FBXO44: variants seen among roughly 807,000 people sequenced by gnomAD.
FBXO44 encodes F-box protein 44, also known as F-box only protein 44.
Under a neutral mutation model 33.5 loss-of-function variants are expected in FBXO44, and 25 were observed. The ratio of observed to expected loss-of-function variants is 0.75; its 90% CI spans 0.54 to 1.04. The LOEUF (loss-of-function observed/expected upper bound fraction) is 1.04, where lower values mean the gene tolerates loss of function less well. Ranked by LOEUF, FBXO44 falls within the 50% of genes least tolerant of loss-of-function variation. The pLI, the probability that FBXO44 is intolerant of heterozygous loss-of-function variation, is 0.00. For missense variants in FBXO44, 311 were observed against 344.0 expected (o/e 0.90, Z 0.76); for synonymous variants, 147 against 152.8 (o/e 0.96, Z 0.28).
intron 2 of FBXO44, among the ~76,000 whole-genome samples, chr1:11,657,398 G>A (rs1006977174): frequency 4.0e-5 from 6 of 151,686 alleles, no homozygotes; most frequent in Non-Finnish European, 7.4e-5. Context: ...GGTAGAGCTG[G>A]GACTAGACCC....
chr1:11,659,163 A>G (rs1236414437), intron 5 of FBXO44, among the ~76,000 whole-genome samples: 1 of 152,220 alleles, frequency 6.6e-6, no homozygotes, highest in Non-Finnish European at 1.5e-5. Context: ...CCAGGTAGGC[A>G]GATCACCTGA....
chr1:11,657,966 C>T (rs191851544), intron 2 of FBXO44, among the ~76,000 whole-genome samples: 2 of 152,276 alleles, frequency 1.3e-5, no homozygotes, highest in Admixed American at 1.3e-4. Flanking sequence ...CAACCGAGTA[C>T]TGGTAGAGCT....
chr1:11,658,861 A>G lies in FBXO44; in HGVS notation c.614A>G (p.Lys205Arg). 1.2e-6 allele frequency: 2 copies of G among 1,607,778 alleles called. No homozygotes were observed. Among genetic ancestry groups the G allele is most frequent in the South Asian group, 1.1e-5 (1 of 91,076 alleles). Reference protein sequence around the residue: ...PATIQQKSDAKWREVSHTFSN... With the variant: ...PATIQQKSDARWREVSHTFSN... The stretch of plus-strand genomic sequence containing the variant: ...ACCATCCAGCAGAAGAGCGATGCCA[A>G]GTGGAGGGAGGTGCGTGGGCCTGGG... The change falls in exon 5 of 6, where the codon AAG becomes AGG. Residue 205 changes from lysine to arginine, a missense_variant. Coordinates refer to ENST00000251547, the MANE Select transcript of FBXO44 (RefSeq NM_033182.7).
intron 2 of FBXO44, among the ~76,000 whole-genome samples, chr1:11,656,311 CTTT>C (rs34347559): frequency 2.8e-4 from 26 of 93,848 alleles, no homozygotes; most frequent in African/African-American, 7.3e-4. Flanking sequence ...TTACTATACT[CTTT>C]TTTTTTTTTT....
chr1:11,656,182 G>A (rs1414480411), intron 2 of FBXO44, 82 bp downstream of exon 2: 32 of 1,547,656 alleles, frequency 2.1e-5, no homozygotes, highest in Middle Eastern at 1.8e-4. Context: ...AGTATGAGCC[G>A]GGTACTTTGG....
rs1640188383 is a variant in FBXO44, at chr1:11,661,497, C to G, written c.*224C>G. 1.8e-6 allele frequency: 1 copy of G among 568,058 alleles called. No individual in the cohort carries two copies. The highest frequency in any genetic ancestry group is 2.9e-5 in the South Asian group (1 of 34,002). 35.2% of individuals were successfully genotyped at this position (568,058 alleles called of 1,614,324 possible). On this transcript the variant is annotated 3_prime_UTR_variant, in exon 6 of 6. Coordinates refer to ENST00000251547, the MANE Select transcript of FBXO44 (RefSeq NM_033182.7). The surrounding 1 kb of genome is among the most constrained non-coding windows in gnomAD (Gnocchi z 4.4). The stretch of plus-strand genomic sequence containing the variant: ...TTGACCTGAATGATGGCCGGGGAAG[C>G]CTGCGTGTGCCCCTTTCAGAGACGG...
At chr1:11,659,805 GT>G (rs1640069990) in intron 5 of FBXO44, among the ~76,000 whole-genome samples, 1 of 152,110 alleles carries the variant, frequency 6.6e-6, no homozygotes, top group African/African-American at 2.4e-5. Flanking sequence ...CCTAGCAAAT[GT>G]TTTCTTAAAA....
chr1:11,655,943 C>T lies in FBXO44; in HGVS notation c.108C>T (p.Leu36=). ...TGAACTGCCGCCTGGTCTGCAGCCT[C>T]TGGCGGGACCTCATCGACCTCGTGA... ...LLLNCRLVCS[L]WRDLIDLVTL... is the part of the protein sequence containing the mutation. The change falls in exon 2 of 6, where the codon CTC becomes CTT. Residue 36 remains leucine (L), a synonymous_variant. Coordinates refer to ENST00000251547, the MANE Select transcript of FBXO44 (RefSeq NM_033182.7). 1 of 1,614,086 alleles carries T rather than the reference C, an allele frequency of 6.2e-7. No homozygotes were observed. Among genetic ancestry groups the T allele is most frequent in the South Asian group, 1.1e-5 (1 of 91,084 alleles).
upstream of FBXO44, chr1:11,654,689 G>C (rs962231660): frequency 8.5e-5 from 21 of 246,092 alleles, no homozygotes; most frequent in Admixed American, 1.1e-3. Flanking sequence ...GCACGGAGAG[G>C]CTGGGTCAGG....
chr1:11,657,489 C>G (rs977432977), intron 2 of FBXO44, among the ~76,000 whole-genome samples: 12 of 152,170 alleles, frequency 7.9e-5, no homozygotes, highest in African/African-American at 2.9e-4. Flanking sequence ...CCTGTAATCC[C>G]AGCACTTTGG....
At chr1:11,658,154 G>A (rs1199778051) in intron 2 of FBXO44, 113 bp from the exon 3 acceptor site, 1 of 1,558,174 alleles carries the variant, frequency 6.4e-7, no homozygotes, top group Non-Finnish European at 8.7e-7. Context: ...CCACAGCACA[G>A]GGCTTGAGGG....
At position 11,658,594 on chromosome 1, in the gene FBXO44, G is replaced by C; in HGVS notation, c.454G>C (p.Asp152His). Residue 152 changes from aspartate (D) to histidine (H), a missense_variant, in exon 4 of 6, where the codon GAT (aspartate) becomes CAT (histidine). Transcript: ENST00000251547. ...CGAAGGGTATTGGGAGGAGCTGATG[G>C]ATACCACACGGCCGGACATCGAGGT... ...KAEGYWEELM[D>H]TTRPDIEVKD... The C allele has an allele frequency of 6.2e-7, 1 of 1,613,494 alleles. No individual in the cohort carries two copies. Among genetic ancestry groups the C allele is most frequent in the Non-Finnish European group, 8.5e-7 (1 of 1,179,966 alleles).
intron 2 of FBXO44, 124 bp downstream of exon 2, chr1:11,656,224 A>C (rs1210079922): frequency 9.0e-6 from 12 of 1,328,360 alleles, no homozygotes; most frequent in Non-Finnish European, 1.2e-5. Context: ...TCTCACAGTA[A>C]CCCAAAGAGG....
chr1:11,654,504 C>A, upstream of FBXO44: 1 of 562,726 alleles, frequency 1.8e-6, no homozygotes, highest in Non-Finnish European at 2.7e-6. Context: ...GCCCCGCGCC[C>A]GGCCGCCCCG....
intron 5 of FBXO44, among the ~76,000 whole-genome samples, chr1:11,659,422 C>T (rs1397478634): frequency 6.6e-6 from 1 of 152,168 alleles, no homozygotes; most frequent in African/African-American, 2.4e-5. Context: ...AAAAGGTTGA[C>T]TGACTGTTAC....
Position 11,658,256 on chromosome 1 carries a change from T to A in FBXO44, c.266-11T>A, listed in dbSNP as rs1430201324. ...GGCTTCCCTTCAGTGTGAACTCTGCTTTTCCATCAGAGGGGTTCGAGTTCT... is the reference window on the plus strand; with the variant it reads ...GGCTTCCCTTCAGTGTGAACTCTGCATTTCCATCAGAGGGGTTCGAGTTCT... On this transcript the variant is annotated splice_polypyrimidine_tract_variant and intron_variant, in intron 2 of 5. Transcript: ENST00000251547. The A allele has an allele frequency of 2.5e-6, 4 of 1,613,380 alleles. No homozygotes were observed. Among genetic ancestry groups the A allele is most frequent in the Non-Finnish European group, 3.4e-6 (4 of 1,179,888 alleles).
chr1:11,661,028 C>A lies in FBXO44; in HGVS notation c.625-102C>A. On this transcript the variant is annotated intron_variant, in intron 5 of 5. Transcript: ENST00000251547. The surrounding 1 kb of genome is among the most constrained non-coding windows in gnomAD (Gnocchi z 4.4). ...AAACTCCTGGGCTCAAACAACCCTC[C>A]CACCTCAGCCTCCCAAAGTACTGGG... The A allele has an allele frequency of 8.0e-7, 1 of 1,257,850 alleles. No individual in the cohort carries two copies. Among genetic ancestry groups the A allele is most frequent in the Non-Finnish European group, 1.1e-6 (1 of 899,468 alleles). 77.9% of individuals were successfully genotyped at this position (1,257,850 alleles called of 1,614,324 possible).
intron 5 of FBXO44, among the ~76,000 whole-genome samples, chr1:11,660,121 A>AC (rs1215239617): frequency 6.6e-6 from 1 of 152,250 alleles, no homozygotes; most frequent in Non-Finnish European, 1.5e-5. Flanking sequence ...AGTTCCTAGT[A>AC]CAACTGAGTA....
At chr1:11,656,587 G>A (rs1346523670) in intron 2 of FBXO44, among the ~76,000 whole-genome samples, 3 of 151,682 alleles carry the variant, frequency 2.0e-5, no homozygotes, top group African/African-American at 4.8e-5. Context: ...TCAGCCTCCC[G>A]AGTAGCTGGG....
Sources: allele counts gnomAD v4.1 joint callset (sites outside exome capture counted in the v4.1 genomes callset), GRCh38; gene constraint gnomAD v4.1.1; non-coding constraint Gnocchi (gnomAD v3.1); transcripts MANE v1.5; gene names NCBI Gene and HGNC (gene_info 2026-07-23, HGNC 2026-07-21).